Variants in VEPH1 observed in about 807,000 individuals in gnomAD.
The protein encoded by VEPH1 is ventricular zone-expressed PH domain-containing protein homolog 1.
Under a neutral mutation model 85.2 loss-of-function variants are expected in VEPH1, and 80 were observed. The ratio of observed to expected loss-of-function variants is 0.94; its 90% CI spans 0.78 to 1.13. The LOEUF is 1.13. VEPH1 is among the 50% of genes most tolerant of loss of function. The pLI, the probability that VEPH1 is intolerant of heterozygous loss-of-function variation, is 0.00. For synonymous variants in VEPH1, 297 were observed against 348.0 expected, an observed-to-expected ratio of 0.85 and a Z score of 1.63; for missense variants, 955 against 980.5, an observed-to-expected ratio of 0.97 and a Z score of 0.35.
intron 2 of VEPH1, among the ~76,000 whole-genome samples, 190 bp downstream of exon 2, chr3:157,495,022 C>A (rs1739546230): frequency 6.6e-6 from 1 of 152,086 alleles, no homozygotes; most frequent in Non-Finnish European, 1.5e-5. Context: ...TCTAACTGCC[C>A]CCTACTAAGC....
rs115988706 is a variant in VEPH1 at position 157,333,839 on chromosome 3, T to A, written c.1736-16638A>T. 6.9e-3 allele frequency among the ~76,000 whole-genome samples: 1,051 copies of A among 152,042 alleles called. 19 individuals carry two copies. Among genetic ancestry groups the A allele is most frequent in the African/African-American group, 0.024 (993 of 41,450 alleles). ...TATTAATAAACTCCACTAAAATGGGTCCGTTTACATTTTTTTTTCCCCAGA... is the reference window on the plus strand; with the variant it reads ...TATTAATAAACTCCACTAAAATGGGACCGTTTACATTTTTTTTTCCCCAGA... On this transcript the variant is annotated intron_variant, in intron 9 of 13. Coordinates refer to ENST00000362010, the MANE Select transcript of VEPH1 (RefSeq NM_001167912.2).
At chr3:157,468,064 C>T (rs932037908) in intron 3 of VEPH1, among the ~76,000 whole-genome samples, 1 of 152,206 alleles carries the variant, frequency 6.6e-6, no homozygotes, top group East Asian at 1.9e-4. Context: ...TTACGATTCT[C>T]TGATCTTGGT....
intron 9 of VEPH1, among the ~76,000 whole-genome samples, chr3:157,322,861 C>T (rs1721505158): frequency 6.6e-6 from 1 of 152,082 alleles, no homozygotes; most frequent in Non-Finnish European, 1.5e-5. Flanking sequence ...GTATGAATGT[C>T]CTAAATTGGA....
chr3:157,432,327 A>C (rs545253667), intron 4 of VEPH1, among the ~76,000 whole-genome samples: 88 of 152,120 alleles, frequency 5.8e-4, no homozygotes, highest in African/African-American at 2.1e-3. Flanking sequence ...AATATAGTCA[A>C]CTGTTTTCAT....
chr3:157,265,455 C>T (rs1407426971), intron 13 of VEPH1, 71 bp downstream of exon 13: 2 of 1,515,274 alleles, frequency 1.3e-6, no homozygotes, highest in Admixed American at 4.1e-5. Flanking sequence ...AAACCCAAGA[C>T]AAAACGTTTA....
chr3:157,451,348 T>A lies in VEPH1; in HGVS notation c.529+8833A>T, dbSNP rs563863450. 3.7e-4 allele frequency among the ~76,000 whole-genome samples: 56 copies of A among 152,324 alleles called. No homozygotes were observed. In the South Asian group the frequency reaches 9.3e-3, roughly 25 times the overall value. ...GATAACATTCCAATTATACCTTTAATCCTTCCTCCAAGAAGTAAGAAGTAA... is the reference window on the plus strand; with the variant it reads ...GATAACATTCCAATTATACCTTTAAACCTTCCTCCAAGAAGTAAGAAGTAA... On this transcript the variant is annotated intron_variant, in intron 4 of 13. Coordinates refer to ENST00000362010, the MANE Select transcript of VEPH1 (RefSeq NM_001167912.2).
intron 9 of VEPH1, 191 bp downstream of exon 9, chr3:157,363,173 G>A (rs1726235610): frequency 4.1e-6 from 2 of 492,268 alleles, no homozygotes; most frequent in Non-Finnish European, 6.8e-6. Context: ...AGATTCAAAT[G>A]GGAATCAAGA....
At chr3:157,452,127 A>G (rs563042933) in intron 4 of VEPH1, among the ~76,000 whole-genome samples, 1 of 152,196 alleles carries the variant, frequency 6.6e-6, no homozygotes, top group African/African-American at 2.4e-5. Context: ...AAAATACAGT[A>G]TTAATAGGGA....
rs374090854 is a variant in VEPH1, at chr3:157,408,249, CAT to C, written c.906+5630_906+5631del. Among the ~76,000 whole-genome samples the C allele has an allele frequency of 4.7e-3, 711 of 152,258 alleles. 6 individuals carry two copies. The highest frequency in any genetic ancestry group is 0.016 in the African/African-American group (673 of 41,552). On this transcript the variant is annotated intron_variant, in intron 6 of 13. Coordinates refer to ENST00000362010, the MANE Select transcript of VEPH1 (RefSeq NM_001167912.2). The stretch of plus-strand genomic sequence containing the variant: ...CATTATGGATGGCCTTGGCTCATCA[CAT>C]GTTTGTTGTATAATGACTCCATATT...
At chr3:157,417,418 CCTT>C (rs1211129075) in intron 5 of VEPH1, among the ~76,000 whole-genome samples, 1 of 152,176 alleles carries the variant, frequency 6.6e-6, no homozygotes. Context: ...ACCAAACTGG[CCTT>C]CTTGCCTCAA....
chr3:157,438,115 A>G (rs1413808466), intron 4 of VEPH1, among the ~76,000 whole-genome samples: 2 of 151,686 alleles, frequency 1.3e-5, no homozygotes, highest in African/African-American at 4.8e-5. Flanking sequence ...GGCACACCAT[A>G]CAAGGCGGGA....
At chr3:157,458,297 TA>T (rs1735547298) in intron 4 of VEPH1, among the ~76,000 whole-genome samples, 2 of 152,234 alleles carry the variant, frequency 1.3e-5, no homozygotes, top group South Asian at 4.1e-4. Flanking sequence ...GTTGATCTTT[TA>T]AATTTATTTG....
intron 1 of VEPH1, among the ~76,000 whole-genome samples, chr3:157,496,692 T>C (rs1236350613): frequency 2.0e-5 from 3 of 152,222 alleles, no homozygotes; most frequent in African/African-American, 7.2e-5. Flanking sequence ...TGAGCTATTG[T>C]TGTGAGAGCA....
chr3:157,265,408 A>C, intron 13 of VEPH1, 118 bp downstream of exon 13: 2 of 1,138,070 alleles, frequency 1.8e-6, no homozygotes, highest in Non-Finnish European at 2.5e-6. Flanking sequence ...CAATGCTGTA[A>C]GATGGTGAAA....
intron 11 of VEPH1, among the ~76,000 whole-genome samples, chr3:157,302,537 A>G (rs541003752): frequency 2.0e-5 from 3 of 152,364 alleles, no homozygotes; most frequent in African/African-American, 7.2e-5. Context: ...GTGAGGACAC[A>G]GCATTTGGGT....
In VEPH1 at chr3:157,313,692, C is replaced by A. The variant is rs1287255964; in HGVS notation, c.1939G>T (p.Glu647Ter). The change falls in exon 11 of 14, where the codon GAG becomes TAG. Residue 647 changes from glutamate (E) to a stop codon, truncating the protein, a stop_gained. Transcript: ENST00000362010. LOFTEE classifies it high-confidence loss of function. ...TGAGCACCCCCTGCCTGGGTCTTCTCCCACAGAGCTCTGAGGAATTGCACA... is the reference window on the plus strand; with the variant it reads ...TGAGCACCCCCTGCCTGGGTCTTCTACCACAGAGCTCTGAGGAATTGCACA... ...HSVQFLRALWEKTQAGGAHSF... is the reference protein window; with the variant it reads ...HSVQFLRALW 1 of 1,614,084 alleles carries A rather than the reference C, an allele frequency of 6.2e-7. No homozygotes were observed. Among genetic ancestry groups the A allele is most frequent in the Admixed American group, 1.7e-5 (1 of 60,016 alleles).
At chr3:157,493,526 C>T (rs114717195) in intron 2 of VEPH1, among the ~76,000 whole-genome samples, 18 of 152,302 alleles carry the variant, frequency 1.2e-4, no homozygotes, top group African/African-American at 3.6e-4. Flanking sequence ...TACCATTCTT[C>T]TTCTGTTCCA....
At chr3:157,275,420 C>G (rs1240506795) in intron 12 of VEPH1, among the ~76,000 whole-genome samples, 34 of 151,840 alleles carry the variant, frequency 2.2e-4, no homozygotes, top group Non-Finnish European at 1.0e-4. Context: ...TGCTAAAATA[C>G]AAAAAATTAG....
intron 12 of VEPH1, among the ~76,000 whole-genome samples, chr3:157,278,112 G>T (rs1715627215): frequency 6.6e-6 from 1 of 152,182 alleles, no homozygotes; most frequent in African/African-American, 2.4e-5. Flanking sequence ...GGAGGAAGTA[G>T]ACATTGATCT....
Sources: allele counts gnomAD v4.1 joint callset (sites outside exome capture counted in the v4.1 genomes callset), GRCh38; gene constraint gnomAD v4.1.1; transcripts MANE v1.5; gene names NCBI Gene and HGNC (gene_info 2026-07-23, HGNC 2026-07-21).